Variants in CCNY observed in about 807,000 individuals in gnomAD.
CCNY encodes the protein cyclin-Y.
A neutral mutation model predicts 42.8 loss-of-function variants in CCNY; 19 were observed. The ratio of observed to expected loss-of-function variants is 0.44; its 90% CI spans 0.31 to 0.65. CCNY has a LOEUF of 0.65. Among genes scored for constraint, CCNY ranks in the 30% least tolerant of loss-of-function variants. The pLI is 0.07. For missense variants in CCNY, 370 were observed against 437.3 expected, an observed-to-expected ratio of 0.85 and a Z score of 1.37; for synonymous variants, 165 against 162.7, an observed-to-expected ratio of 1.01 and a Z score of -0.11.
At chr10:35,465,938 A>AGAGTGTGTGTGT in intron 1 of CCNY, among the ~76,000 whole-genome samples, 3 of 80,960 alleles carry the variant, frequency 3.7e-5, no homozygotes, top group African/African-American at 1.3e-4. Context: ...AGAGAGAGAG[A>AGAGTGTGTGTGT]GTGTGTGTGT....
At chr10:35,559,534 T>C (rs1250999284) in intron 8 of CCNY, among the ~76,000 whole-genome samples, 2 of 152,220 alleles carry the variant, frequency 1.3e-5, no homozygotes, top group Non-Finnish European at 2.9e-5. Context: ...GAAAGTGTGC[T>C]CTGGAGGCAA....
chr10:35,356,757 A>G (rs553509807), intron 1 of CCNY, among the ~76,000 whole-genome samples: 1 of 152,290 alleles, frequency 6.6e-6, no homozygotes, highest in African/African-American at 2.4e-5. Context: ...CTAGCTTCTT[A>G]TTATGGTTTA....
At chr10:35,247,936 A>G (rs1241583631) in intron 1 of CCNY, among the ~76,000 whole-genome samples, 1 of 151,938 alleles carries the variant, frequency 6.6e-6, no homozygotes, top group Non-Finnish European at 1.5e-5. Context: ...TAAATGAAAA[A>G]AAAAAGAAAA....
intron 1 of CCNY, among the ~76,000 whole-genome samples, chr10:35,403,139 G>C (rs1452304829): frequency 1.4e-5 from 2 of 140,512 alleles, no homozygotes; most frequent in Non-Finnish European, 3.1e-5. Flanking sequence ...GGTGGGGGGG[G>C]TTGGCCTGAA....
At chr10:35,553,693 G>A (rs1159879406) in intron 8 of CCNY, among the ~76,000 whole-genome samples, 2 of 152,194 alleles carry the variant, frequency 1.3e-5, no homozygotes, top group Non-Finnish European at 2.9e-5. Context: ...GGTCAGCCTC[G>A]TGTCCCTGGG....
intron 1 of CCNY, among the ~76,000 whole-genome samples, chr10:35,369,275 C>T (rs1241507942): frequency 6.6e-6 from 1 of 152,172 alleles, no homozygotes; most frequent in African/African-American, 2.4e-5. Flanking sequence ...GGCTTGAGGT[C>T]CCACTTGTGA....
At chr10:35,394,820 C>A in intron 1 of CCNY, 1 of 984,570 alleles carries the variant, frequency 1.0e-6, no homozygotes, top group South Asian at 4.7e-5. Flanking sequence ...GTTTAGGTGA[C>A]CCCAGTGGCT....
At chr10:35,512,652 G>C (rs546098912) in intron 3 of CCNY, among the ~76,000 whole-genome samples, 1 of 152,278 alleles carries the variant, frequency 6.6e-6, no homozygotes, top group South Asian at 2.1e-4. Flanking sequence ...GGACTAATTA[G>C]TTCTGGCCTG....
chr10:35,492,842 A>G (rs1044984833), intron 2 of CCNY, among the ~76,000 whole-genome samples: 5 of 152,178 alleles, frequency 3.3e-5, no homozygotes, highest in African/African-American at 9.7e-5. Context: ...AGAAAACGAC[A>G]CATCCATTAT....
chr10:35,422,611 T>A (rs1259683812), intron 1 of CCNY, among the ~76,000 whole-genome samples: 1 of 152,256 alleles, frequency 6.6e-6, no homozygotes, highest in African/African-American at 2.4e-5. Flanking sequence ...TGTTGTTTTA[T>A]GTTTACATTT....
chr10:35,351,244 T>C (rs147018370), intron 1 of CCNY, among the ~76,000 whole-genome samples: 45 of 152,338 alleles, frequency 3.0e-4, no homozygotes, highest in African/African-American at 1.0e-3. Flanking sequence ...GGAAGATTAT[T>C]TGGAGTTGTG....
chr10:35,338,108 A>C (rs191433167), intron 1 of CCNY, among the ~76,000 whole-genome samples: 1 of 152,316 alleles, frequency 6.6e-6, no homozygotes, highest in East Asian at 1.9e-4. Flanking sequence ...TTTTTATGAC[A>C]AGGTGATTTT....
chr10:35,448,698 G>A (rs1761401470), intron 1 of CCNY, among the ~76,000 whole-genome samples: 2 of 152,064 alleles, frequency 1.3e-5, no homozygotes, highest in Non-Finnish European at 2.9e-5. Context: ...GGTTTGAGGG[G>A]CAGAGGGAGT....
intron 1 of CCNY, among the ~76,000 whole-genome samples, chr10:35,476,429 A>G (rs1299296130): frequency 6.6e-6 from 1 of 152,188 alleles, no homozygotes; most frequent in African/African-American, 2.4e-5. Context: ...AATTATAACA[A>G]AGTATCTCTC....
intron 1 of CCNY, among the ~76,000 whole-genome samples, chr10:35,396,206 C>CGG (rs1306286235): frequency 6.6e-6 from 1 of 152,138 alleles, no homozygotes; most frequent in East Asian, 1.9e-4. Context: ...GTGGTAGGAT[C>CGG]GGGGGATCAC....
At chr10:35,448,540 G>A (rs892035582) in intron 1 of CCNY, among the ~76,000 whole-genome samples, 1 of 152,162 alleles carries the variant, frequency 6.6e-6, no homozygotes, top group African/African-American at 2.4e-5. Context: ...CTATGTGTTA[G>A]GTATTAGGAC....
intron 4 of CCNY, 65 bp downstream of exon 4, chr10:35,516,688 T>TTAA: frequency 3.6e-6 from 3 of 823,340 alleles, no homozygotes; most frequent in Non-Finnish European, 5.4e-6. Context: ...TTTTTTTTTT[T>TTAA]ACTTAACTGA....
intron 1 of CCNY, among the ~76,000 whole-genome samples, chr10:35,461,608 T>C (rs1311189059): frequency 1.2e-4 from 19 of 152,118 alleles, no homozygotes; most frequent in Admixed American, 1.2e-3. Context: ...CGACCAAAGC[T>C]TGGCCAAGCA....
At chr10:35,277,451 T>C (rs1835252292) in intron 3 of CCNY, among the ~76,000 whole-genome samples, 1 of 152,126 alleles carries the variant, frequency 6.6e-6, no homozygotes, top group Non-Finnish European at 1.5e-5. Flanking sequence ...GAATTCAACC[T>C]TCTCCGAGCC....
Sources: allele counts gnomAD v4.1 joint callset (sites outside exome capture counted in the v4.1 genomes callset), GRCh38; gene constraint gnomAD v4.1.1; transcripts MANE v1.5; gene names NCBI Gene and HGNC (gene_info 2026-07-23, HGNC 2026-07-21).